Variants in PPP2R2B observed in about 807,000 individuals in gnomAD.
PPP2R2B encodes the protein serine/threonine-protein phosphatase 2A 55 kDa regulatory subunit B beta isoform.
In PPP2R2B, 5 loss-of-function variants were observed where a neutral mutation model predicts 46.0. The ratio of observed to expected loss-of-function variants is 0.11; its 90% CI spans 0.06 to 0.23. PPP2R2B has a LOEUF of 0.23. Among genes scored for constraint, PPP2R2B ranks in the 10% least tolerant of loss-of-function variants. The pLI is 1.00. For synonymous variants in PPP2R2B, 215 were observed against 206.7 expected (o/e 1.04, Z -0.34); for missense variants, 367 against 575.0 (o/e 0.64, Z 3.70).
chr5:146,813,892 C>T (rs901389119), intron 2 of PPP2R2B, among the ~76,000 whole-genome samples: 5 of 152,022 alleles, frequency 3.3e-5, no homozygotes, highest in African/African-American at 7.3e-5. Context: ...GGAGTCCTGG[C>T]AAGATGGCAA....
In PPP2R2B at chr5:146,933,661, CT is replaced by C. The variant is rs972619031; in HGVS notation, c.79+122003del. ...TGACCTATCGTGACAAACGGAAGTT[CT>C]TTTTTTTTTTTAAGTTTTTTTTTTC... On this transcript the variant is annotated intron_variant, in intron 1 of 8. Coordinates refer to the PPP2R2B transcript ENST00000336640. Among the ~76,000 whole-genome samples, 322 of 140,008 alleles carry C rather than the reference CT, an allele frequency of 2.3e-3. 1 individual carries two copies. The highest frequency in any genetic ancestry group is 4.7e-3 in the African/African-American group (179 of 38,358). 91.9% of individuals were successfully genotyped at this position (140,008 alleles called of 152,430 possible). A position where few individuals can be genotyped will look rare whatever the true frequency, so the allele number is the denominator to read the frequency against.
chr5:146,703,897 T>C (rs1779685275), intron 2 of PPP2R2B, among the ~76,000 whole-genome samples: 1 of 152,234 alleles, frequency 6.6e-6, no homozygotes, highest in Non-Finnish European at 1.5e-5. Context: ...GTGATTTGCA[T>C]GGCAGGATTC....
intron 7 of PPP2R2B, among the ~76,000 whole-genome samples, chr5:146,603,633 T>C (rs1293988837): frequency 1.3e-5 from 2 of 152,238 alleles, no homozygotes; most frequent in Non-Finnish European, 2.9e-5. Flanking sequence ...CAAGTTTTAA[T>C]AGCAGCTCCA....
intron 2 of PPP2R2B, among the ~76,000 whole-genome samples, chr5:146,844,229 G>A (rs1283713052): frequency 1.9e-3 from 277 of 148,652 alleles, no homozygotes; most frequent in African/African-American, 6.6e-3. Flanking sequence ...GGGCGGGATA[G>A]CATTGGGAGA....
At chr5:146,873,791 A>G (rs910090189) in intron 2 of PPP2R2B, among the ~76,000 whole-genome samples, 2 of 152,108 alleles carry the variant, frequency 1.3e-5, no homozygotes, top group Admixed American at 1.3e-4. Flanking sequence ...CTAACATTTT[A>G]TACTTGCTTT....
chr5:146,885,196 A>G (rs1762282496), intron 1 of PPP2R2B, among the ~76,000 whole-genome samples: 1 of 152,224 alleles, frequency 6.6e-6, no homozygotes. Context: ...AACAGCCTCT[A>G]TACAGTATCA....
At chr5:146,601,937 T>C (rs1033122143) in intron 7 of PPP2R2B, among the ~76,000 whole-genome samples, 2 of 152,230 alleles carry the variant, frequency 1.3e-5, no homozygotes, top group Non-Finnish European at 2.9e-5. Flanking sequence ...GGCTTCTCAG[T>C]ATGTTATTGG....
At chr5:146,886,587 G>T (rs1281204479) in intron 1 of PPP2R2B, among the ~76,000 whole-genome samples, 1 of 151,900 alleles carries the variant, frequency 6.6e-6, no homozygotes, top group Non-Finnish European at 1.5e-5. Context: ...AGGTATAGCA[G>T]TGCAGAAACG....
At chr5:146,740,855 GTGTGTCTCATAGGC>G (rs1241281715) in intron 2 of PPP2R2B, among the ~76,000 whole-genome samples, 1 of 152,096 alleles carries the variant, frequency 6.6e-6, no homozygotes, top group Admixed American at 6.6e-5. Context: ...GCTGCTCAAA[GTGTGTCTCATAGGC>G]CATGAAGCTC....
At chr5:146,875,630 G>A (rs551216110) in intron 2 of PPP2R2B, among the ~76,000 whole-genome samples, 2 of 152,124 alleles carry the variant, frequency 1.3e-5, no homozygotes, top group Admixed American at 1.3e-4. Flanking sequence ...AGATATTTTG[G>A]AGGAAAAAAA....
intron 1 of PPP2R2B, among the ~76,000 whole-genome samples, chr5:147,053,106 A>G (rs1362571951): frequency 6.6e-6 from 1 of 152,036 alleles, no homozygotes; most frequent in African/African-American, 2.4e-5. Flanking sequence ...ATTGTTACCT[A>G]TATTTTTAAA....
At chr5:147,049,295 T>G (rs1008992113) in intron 1 of PPP2R2B, among the ~76,000 whole-genome samples, 1 of 152,124 alleles carries the variant, frequency 6.6e-6, no homozygotes, top group African/African-American at 2.4e-5. Flanking sequence ...TGAGGATGGC[T>G]CCAATGTTTT....
intron 1 of PPP2R2B, among the ~76,000 whole-genome samples, chr5:147,012,307 G>A (rs888847143): frequency 6.6e-6 from 1 of 152,142 alleles, no homozygotes; most frequent in African/African-American, 2.4e-5. Flanking sequence ...TTAGTCTTGG[G>A]AGAATGTATG....
chr5:146,843,610 A>G (rs918930916), intron 2 of PPP2R2B, among the ~76,000 whole-genome samples: 1 of 152,210 alleles, frequency 6.6e-6, no homozygotes, highest in African/African-American at 2.4e-5. Context: ...TTTGGCCACA[A>G]ACTAACCCTT....
intron 1 of PPP2R2B, among the ~76,000 whole-genome samples, chr5:146,908,139 A>G (rs1291041600): frequency 6.6e-6 from 1 of 152,236 alleles, no homozygotes; most frequent in Admixed American, 6.5e-5. Context: ...AGGGCACCAC[A>G]GTGAACTTAC....
chr5:146,618,283 G>C (rs574395471), intron 7 of PPP2R2B, among the ~76,000 whole-genome samples: 3 of 152,138 alleles, frequency 2.0e-5, no homozygotes, highest in African/African-American at 7.2e-5. Flanking sequence ...AGATGGAAAG[G>C]TGCCATGAGC....
intron 7 of PPP2R2B, among the ~76,000 whole-genome samples, chr5:146,632,552 T>C (rs1774512256): frequency 1.3e-5 from 2 of 152,146 alleles, no homozygotes; most frequent in South Asian, 4.1e-4. Context: ...ATTCAGTAAT[T>C]AGTGAGATAA....
intron 2 of PPP2R2B, among the ~76,000 whole-genome samples, chr5:146,792,228 T>C (rs749308116): frequency 6.6e-6 from 1 of 152,198 alleles, no homozygotes; most frequent in Non-Finnish European, 1.5e-5. Flanking sequence ...AATTTTTGAT[T>C]AAGCAAACTT....
chr5:146,872,931 T>C (rs1408205999), intron 2 of PPP2R2B, among the ~76,000 whole-genome samples: 1 of 152,228 alleles, frequency 6.6e-6, no homozygotes, highest in Non-Finnish European at 1.5e-5. Flanking sequence ...AGGCATCTCA[T>C]CTATTCATAC....
Sources: gnomAD v4.1 joint callset for allele counts (sites outside exome capture counted in the v4.1 genomes callset) on GRCh38, gnomAD v4.1.1 for gene constraint, MANE v1.5 for transcripts, NCBI Gene and HGNC (gene_info 2026-07-23, HGNC 2026-07-21) for gene names.